Variants in WDR48 observed in about 807,000 individuals in gnomAD.
WDR48 encodes WD repeat-containing protein 48.
A neutral mutation model predicts 94.0 loss-of-function variants in WDR48; 22 were observed. That is an observed-to-expected ratio of 0.23 (90% confidence interval 0.17 to 0.33). The LOEUF is 0.33. Among genes scored for constraint, WDR48 ranks in the 10% least tolerant of loss-of-function variants. The probability of loss-of-function intolerance (pLI) is 1.00; values close to 1 mark genes in which losing one functional copy is unlikely to be tolerated. For missense variants in WDR48, 541 were observed against 813.8 expected (o/e 0.66, Z 4.08); for synonymous variants, 278 against 280.5 (o/e 0.99, Z 0.09).
chr3:39,083,946 C>A (rs767834303), intron 11 of WDR48, among the ~76,000 whole-genome samples: 2 of 152,142 alleles, frequency 1.3e-5, no homozygotes, highest in Non-Finnish European at 2.9e-5. Flanking sequence ...AATACAGTTT[C>A]TTCCCAAATA....
intron 8 of WDR48, among the ~76,000 whole-genome samples, chr3:39,075,184 G>A (rs1200950511): frequency 4.1e-5 from 5 of 120,770 alleles, no homozygotes; most frequent in Non-Finnish European, 8.5e-5. Flanking sequence ...GCACTTTTGT[G>A]TTTTGCTTTT....
chr3:39,064,006 C>G (rs2033440637), intron 2 of WDR48, among the ~76,000 whole-genome samples: 1 of 152,144 alleles, frequency 6.6e-6, no homozygotes, highest in Non-Finnish European at 1.5e-5. Context: ...AGACAACATG[C>G]TCCCCTTCAA....
intron 2 of WDR48, 132 bp from the exon 3 acceptor site, chr3:39,065,679 C>T (rs1431795682): frequency 1.9e-6 from 1 of 523,456 alleles, no homozygotes; most frequent in Non-Finnish European, 3.2e-6. Context: ...TGAGATTCTA[C>T]TCAGAATTCA....
chr3:39,071,027 G>T (rs902990547), intron 7 of WDR48, among the ~76,000 whole-genome samples: 5 of 152,072 alleles, frequency 3.3e-5, no homozygotes, highest in Non-Finnish European at 7.4e-5. Flanking sequence ...ATTTTTTATG[G>T]CTGCATCGTA....
chr3:39,070,445 G>T (rs1423292763), intron 7 of WDR48, among the ~76,000 whole-genome samples: 2 of 152,124 alleles, frequency 1.3e-5, no homozygotes, highest in Non-Finnish European at 2.9e-5. Context: ...AAAAGGGCAG[G>T]TAGAAAGATG....
At chr3:39,059,664 T>G (rs2033130779) in intron 1 of WDR48, among the ~76,000 whole-genome samples, 1 of 152,180 alleles carries the variant, frequency 6.6e-6, no homozygotes, top group Non-Finnish European at 1.5e-5. Context: ...TCCAAAAGAC[T>G]GGGTTAAAAC....
intron 7 of WDR48, among the ~76,000 whole-genome samples, chr3:39,071,720 T>C (rs2033944978): frequency 6.6e-6 from 1 of 152,194 alleles, no homozygotes; most frequent in African/African-American, 2.4e-5. Flanking sequence ...TCATCTAGTT[T>C]CTCTTCCACC....
intron 8 of WDR48, among the ~76,000 whole-genome samples, chr3:39,076,179 C>T (rs144342644): frequency 2.6e-5 from 4 of 152,198 alleles, no homozygotes; most frequent in African/African-American, 4.8e-5. Context: ...AGGTCAAATG[C>T]GACGGTTGGG....
chr3:39,089,218 G>A lies in WDR48; in HGVS notation c.1581-13G>A, dbSNP rs779036980. 77 of 1,609,210 alleles carry A rather than the reference G, an allele frequency of 4.8e-5. No individual in the cohort carries two copies. The highest frequency in any genetic ancestry group is 6.2e-5 in the Non-Finnish European group (73 of 1,177,802). ...CTTGTTGGGTTACTTACTACTTGAT[G>A]GTTTATGTTTAGGCTGCTCTGCCGA... On this transcript the variant is annotated splice_polypyrimidine_tract_variant and intron_variant, in intron 15 of 18. Coordinates refer to ENST00000302313, the MANE Select transcript of WDR48 (RefSeq NM_020839.4).
rs567413317 is a variant in WDR48, at chr3:39,094,780, C to A, written c.*37C>A. 6.2e-7 allele frequency: 1 copy of A among 1,611,876 alleles called. No homozygotes were observed. The highest frequency in any genetic ancestry group is 1.3e-5 in the African/African-American group (1 of 74,956). On this transcript the variant is annotated 3_prime_UTR_variant, in exon 19 of 19. Transcript: ENST00000302313. The stretch of plus-strand genomic sequence containing the variant: ...ATGCTCCTGGATATTCATTTACGAC[C>A]TTCCTCTATGGCCCCAAGAGTAGTC...
intron 14 of WDR48, among the ~76,000 whole-genome samples, chr3:39,087,123 G>A (rs1264062021): frequency 6.6e-6 from 1 of 152,208 alleles, no homozygotes; most frequent in Non-Finnish European, 1.5e-5. Context: ...CTAGGAGAGA[G>A]GTTCCACAAA....
chr3:39,068,844 A>T lies in WDR48; in HGVS notation c.555A>T (p.Ser185=). 6.3e-7 allele frequency: 1 copy of T among 1,599,740 alleles called. No homozygotes were observed. Among genetic ancestry groups the T allele is most frequent in the East Asian group, 2.2e-5 (1 of 44,770 alleles). ...ATCAACTGGGAACAATCATTGTATCAGGGTCCACTGAAAAGGTAAGGAGGA... is the reference window on the plus strand; with the variant it reads ...ATCAACTGGGAACAATCATTGTATCTGGGTCCACTGAAAAGGTAAGGAGGA... ...AMNQLGTIIV[S]GSTEKVLRVW... Residue 185 remains serine, a synonymous_variant, in exon 6 of 19, where the codon TCA becomes TCT. Transcript: ENST00000302313.
intron 5 of WDR48, 113 bp from the exon 6 acceptor site, chr3:39,068,658 A>G (rs1211096114): frequency 3.1e-6 from 2 of 647,660 alleles, no homozygotes. Context: ...TCTTTTCCGT[A>G]GAGGACTTAT....
chr3:39,088,117 T>A lies in WDR48; in HGVS notation c.1475-11T>A. 6.2e-7 allele frequency: 1 copy of A among 1,613,714 alleles called. No individual in the cohort carries two copies. The highest frequency in any genetic ancestry group is 8.5e-7 in the Non-Finnish European group (1 of 1,179,636). ...AACTCTGATATTAACACCACCTGCATCTTTTCCTAGTAAATGGGGAGCAGG... is the reference window on the plus strand; with the variant it reads ...AACTCTGATATTAACACCACCTGCAACTTTTCCTAGTAAATGGGGAGCAGG... On this transcript the variant is annotated splice_polypyrimidine_tract_variant and intron_variant, in intron 14 of 18. Transcript: ENST00000302313.
At chr3:39,076,958 A>T (rs1416518715) in intron 8 of WDR48, among the ~76,000 whole-genome samples, 181 bp from the exon 9 acceptor site, 1 of 152,192 alleles carries the variant, frequency 6.6e-6, no homozygotes. Flanking sequence ...TAGGGCTATG[A>T]ATTTATTTAG....
intron 5 of WDR48, among the ~76,000 whole-genome samples, chr3:39,067,713 A>G (rs1379448915): frequency 1.3e-5 from 2 of 152,230 alleles, no homozygotes; most frequent in Non-Finnish European, 2.9e-5. Flanking sequence ...GTTCACATTG[A>G]CATAGACAAT....
rs761080571 is a variant in WDR48, at chr3:39,094,007, AAAG to A, written c.1887_1889del (p.Glu629del). 6.7e-4 allele frequency: 1,087 copies of A among 1,614,088 alleles called. No homozygotes were observed. The highest frequency in any genetic ancestry group is 8.4e-4 in the Non-Finnish European group (995 of 1,180,002). ...TAATGAAAAACCAGGAGAACAGGAAAAAGAAGAAGATATTGCTGTGTTGGCAGA... is the reference window on the plus strand; with the variant it reads ...TAATGAAAAACCAGGAGAACAGGAAAAAGAAGATATTGCTGTGTTGGCAGA... On this transcript the variant is annotated inframe_deletion, in exon 18 of 19. Coordinates refer to ENST00000302313, the MANE Select transcript of WDR48 (RefSeq NM_020839.4).
At chr3:39,076,608 G>T (rs778750628) in intron 8 of WDR48, among the ~76,000 whole-genome samples, 1 of 152,192 alleles carries the variant, frequency 6.6e-6, no homozygotes, top group Non-Finnish European at 1.5e-5. Context: ...GAGTGATTCC[G>T]CTTGTGTAAT....
intron 17 of WDR48, among the ~76,000 whole-genome samples, chr3:39,092,035 T>C (rs1159219167): frequency 6.6e-6 from 1 of 152,112 alleles, no homozygotes; most frequent in African/African-American, 2.4e-5. Flanking sequence ...AAAAATTAGC[T>C]GGGCATGGGA....
Sources: allele counts gnomAD v4.1 joint callset (sites outside exome capture counted in the v4.1 genomes callset), GRCh38; gene constraint gnomAD v4.1.1; transcripts MANE v1.5; gene names NCBI Gene and HGNC (gene_info 2026-07-23, HGNC 2026-07-21).